Variants in SEMA3C observed in about 807,000 individuals in gnomAD.
The protein encoded by SEMA3C is semaphorin 3C.
SEMA3C carries 47 observed loss-of-function variants against 89.4 expected under a neutral mutation model. The ratio of observed to expected loss-of-function variants is 0.53; its 90% CI spans 0.42 to 0.67. The LOEUF (loss-of-function observed/expected upper bound fraction) is 0.67. Among genes scored for constraint, SEMA3C ranks in the 30% least tolerant of loss-of-function variants. The pLI, the probability that SEMA3C is intolerant of heterozygous loss-of-function variation, is 0.00. For synonymous variants in SEMA3C, 310 were observed against 320.2 expected, an observed-to-expected ratio of 0.97 and a Z score of 0.34; for missense variants, 839 against 929.1, an observed-to-expected ratio of 0.90 and a Z score of 1.26.
chr7:80,918,279 T>C (rs151291701), intron 1 of SEMA3C: 1 of 152,360 alleles, frequency 6.6e-6, no homozygotes, highest in Non-Finnish European at 1.5e-5. Context: ...TTACACATTT[T>C]TTTTACATAT....
chr7:80,906,143 C>CA (rs1792010169), intron 2 of SEMA3C, among the ~76,000 whole-genome samples: 1 of 152,016 alleles, frequency 6.6e-6, no homozygotes, highest in Non-Finnish European at 1.5e-5. Flanking sequence ...GGAAGATGAA[C>CA]AAAATTTCTA....
At position 80,789,396 on chromosome 7, in the gene SEMA3C, G is replaced by C; in HGVS notation, c.1264C>G (p.Arg422Gly). Residue 422 changes from arginine (R) to glycine (G), a missense_variant, in exon 12 of 18, where the codon CGT becomes GGT. Coordinates refer to ENST00000265361, the MANE Select transcript of SEMA3C (RefSeq NM_006379.5). Reference protein sequence around the residue: ...YPIHKRPLIVRIGTDYKYTKI... With the variant: ...YPIHKRPLIVGIGTDYKYTKI... ...GTATACTTGTAGTCAGTGCCAATAC[G>C]AACAATCAAAGGCCTTTTGTGGATT... 1 of 1,613,986 alleles carries C rather than the reference G, an allele frequency of 6.2e-7. No homozygotes were observed. Among genetic ancestry groups the C allele is most frequent in the Middle Eastern group, 1.6e-4 (1 of 6,062 alleles).
At chr7:80,837,364 T>C (rs1211023570) in intron 2 of SEMA3C, among the ~76,000 whole-genome samples, 1 of 152,202 alleles carries the variant, frequency 6.6e-6, no homozygotes, top group Non-Finnish European at 1.5e-5. Context: ...AATAAGTCTT[T>C]TGTTTCCTAA....
At chr7:80,777,497 G>A (rs1788578096) in intron 12 of SEMA3C, among the ~76,000 whole-genome samples, 2 of 152,078 alleles carry the variant, frequency 1.3e-5, no homozygotes, top group South Asian at 4.1e-4. Context: ...TTGCCATGTT[G>A]GCCAGGCTGG....
intron 17 of SEMA3C, among the ~76,000 whole-genome samples, chr7:80,746,963 C>T (rs1207793543): frequency 6.6e-6 from 1 of 151,908 alleles, no homozygotes; most frequent in African/African-American, 2.4e-5. Flanking sequence ...GCTCTGTGAG[C>T]TTTTATCATT....
chr7:80,878,264 C>CA (rs1265413968), intron 2 of SEMA3C, among the ~76,000 whole-genome samples: 1 of 152,084 alleles, frequency 6.6e-6, no homozygotes, highest in African/African-American at 2.4e-5. Context: ...ATAATCCCAG[C>CA]TACTTGGGAA....
intron 2 of SEMA3C, among the ~76,000 whole-genome samples, chr7:80,852,549 A>T (rs1186346091): frequency 6.6e-6 from 1 of 152,172 alleles, no homozygotes; most frequent in East Asian, 1.9e-4. Flanking sequence ...AACCCACAGA[A>T]TGGGAGAAAA....
intron 2 of SEMA3C, among the ~76,000 whole-genome samples, chr7:80,904,103 A>T (rs2116210754): frequency 6.6e-6 from 1 of 152,216 alleles, no homozygotes; most frequent in East Asian, 1.9e-4. Context: ...TGCAGTAGCA[A>T]GATCTCGGCT....
At chr7:80,840,441 C>T (rs1016155633) in intron 2 of SEMA3C, among the ~76,000 whole-genome samples, 2 of 143,440 alleles carry the variant, frequency 1.4e-5, no homozygotes, top group Non-Finnish European at 3.0e-5. Flanking sequence ...ATCACTTGAG[C>T]ATGGGAGGTA....
At position 80,891,249 on chromosome 7, in the gene SEMA3C, C is replaced by T. The variant is rs555824202; in HGVS notation, c.103+25430G>A. Among the ~76,000 whole-genome samples the T allele has an allele frequency of 4.6e-4, 70 of 152,266 alleles. 2 individuals are homozygous for T. The South Asian group carries it at 0.014, about 31-fold the overall frequency. On this transcript the variant is annotated intron_variant, in intron 2 of 17. Coordinates refer to ENST00000265361, the MANE Select transcript of SEMA3C (RefSeq NM_006379.5). Reference sequence around the variant, plus strand: ...AGGAAACTCATCAGACATTGAAGCCCTCCTGCCATCTTCCGTCTATATCCC... The same window carrying T: ...AGGAAACTCATCAGACATTGAAGCCTTCCTGCCATCTTCCGTCTATATCCC...
Position 80,820,059 on chromosome 7 carries a change from T to TC in SEMA3C, c.328-1642_328-1641insG, listed in dbSNP as rs1475270602. 5.8e-3 allele frequency among the ~76,000 whole-genome samples: 864 copies of TC among 149,112 alleles called. 15 individuals carry two copies. The highest frequency in any genetic ancestry group is 0.02 in the African/African-American group (823 of 40,620). The stretch of plus-strand genomic sequence containing the variant: ...GCTAGGTACCATGTATGCTCCTTTT[T>TC]TTTTTTTTTTTTTTTAGAGACAGAG... On this transcript the variant is annotated intron_variant, in intron 4 of 17. Transcript: ENST00000265361.
At chr7:80,784,078 G>T (rs1788748176) in intron 12 of SEMA3C, among the ~76,000 whole-genome samples, 1 of 152,096 alleles carries the variant, frequency 6.6e-6, no homozygotes, top group African/African-American at 2.4e-5. Context: ...GAATGTCTCT[G>T]AACCTGACCT....
At chr7:80,830,867 G>GA (rs1012674256) in intron 2 of SEMA3C, among the ~76,000 whole-genome samples, 46 of 152,094 alleles carry the variant, frequency 3.0e-4, no homozygotes, top group African/African-American at 1.1e-3. Context: ...AGTCTTTCAG[G>GA]AAAAAATCAG....
chr7:80,770,370 G>C (rs1479006027), intron 12 of SEMA3C, among the ~76,000 whole-genome samples: 1 of 152,184 alleles, frequency 6.6e-6, no homozygotes, highest in African/African-American at 2.4e-5. Flanking sequence ...GGTATTCCCT[G>C]AATGTATTCA....
intron 5 of SEMA3C, among the ~76,000 whole-genome samples, chr7:80,812,961 ATTTTTTTTTTTTTTT>A: frequency 1.1e-5 from 1 of 92,498 alleles, no homozygotes; most frequent in African/African-American, 4.3e-5. Context: ...TATTTTTTGT[ATTTTTTTTTTTTTTT>A]TTTTTTTTTA....
chr7:80,870,278 C>T (rs1791024793), intron 2 of SEMA3C, among the ~76,000 whole-genome samples: 1 of 152,202 alleles, frequency 6.6e-6, no homozygotes, highest in Non-Finnish European at 1.5e-5. Context: ...GTTCCTTTCT[C>T]TTCCATGCCT....
chr7:80,882,379 C>T (rs1791363124), intron 2 of SEMA3C, among the ~76,000 whole-genome samples: 1 of 146,746 alleles, frequency 6.8e-6, no homozygotes, highest in South Asian at 2.2e-4. Flanking sequence ...CTGAGTGAAA[C>T]CTCAAAATAC....
At chr7:80,808,127 A>G (rs1341329142) in intron 6 of SEMA3C, among the ~76,000 whole-genome samples, 1 of 152,182 alleles carries the variant, frequency 6.6e-6, no homozygotes, top group Non-Finnish European at 1.5e-5. Flanking sequence ...AACAAATCCA[A>G]TTCTCTAAGG....
At chr7:80,898,907 A>G (rs1472126768) in intron 2 of SEMA3C, among the ~76,000 whole-genome samples, 3 of 152,124 alleles carry the variant, frequency 2.0e-5, no homozygotes, top group African/African-American at 4.8e-5. Flanking sequence ...AACATGGCCT[A>G]AATTGGTTTA....
Sources: allele counts gnomAD v4.1 joint callset (sites outside exome capture counted in the v4.1 genomes callset), GRCh38; gene constraint gnomAD v4.1.1; transcripts MANE v1.5; gene names NCBI Gene and HGNC (gene_info 2026-07-23, HGNC 2026-07-21).